The following DPYD variants were observed in gnomAD, a reference collection of about 807,000 sequenced individuals.
DPYD encodes dihydropyrimidine dehydrogenase.
Under a neutral mutation model 116.2 loss-of-function variants are expected in DPYD, and 109 were observed. The ratio of observed to expected loss-of-function variants is 0.94; its 90% confidence interval spans 0.80 to 1.10. The LOEUF (loss-of-function observed/expected upper bound fraction) is 1.10, where lower values mean the gene tolerates loss of function less well. Ranked by LOEUF, DPYD falls within the 50% of genes least tolerant of loss-of-function variation. The probability of loss-of-function intolerance (pLI) is 0.00; values close to 1 mark genes in which losing one functional copy is unlikely to be tolerated. For missense variants in DPYD, 1,302 were observed against 1,254.5 expected, an observed-to-expected ratio of 1.04 and a Z score of -0.57; for synonymous variants, 440 against 432.0, an observed-to-expected ratio of 1.02 and a Z score of -0.23.
chr1:97,171,905 A>G (rs1468702543), intron 20 of DPYD, among the ~76,000 whole-genome samples: 1 of 152,194 alleles, frequency 6.6e-6, no homozygotes, highest in African/African-American at 2.4e-5. Context: ...CATCACCTGC[A>G]ACTAGAATAG....
chr1:97,706,620 C>T (rs761796148), intron 5 of DPYD, among the ~76,000 whole-genome samples: 2 of 152,036 alleles, frequency 1.3e-5, no homozygotes, highest in African/African-American at 4.8e-5. Flanking sequence ...ATACAATATA[C>T]AGCCTTTTCA....
chr1:97,138,188 G>A (rs772468439), intron 20 of DPYD, among the ~76,000 whole-genome samples: 1 of 152,090 alleles, frequency 6.6e-6, no homozygotes, highest in Non-Finnish European at 1.5e-5. Context: ...CTGGCCTGGC[G>A]GAAACCTGTT....
chr1:97,122,188 A>G (rs1392250146), intron 20 of DPYD, among the ~76,000 whole-genome samples: 3 of 152,132 alleles, frequency 2.0e-5, no homozygotes, highest in African/African-American at 7.2e-5. Flanking sequence ...GTACGGATGA[A>G]AAGAGAGATA....
chr1:97,164,846 T>A (rs1181384081), intron 20 of DPYD, among the ~76,000 whole-genome samples: 1 of 150,842 alleles, frequency 6.6e-6, no homozygotes, highest in Non-Finnish European at 1.5e-5. Flanking sequence ...AATGACCAAG[T>A]GCCCAAAACA....
chr1:97,506,756 A>T (rs1331349491), intron 13 of DPYD, among the ~76,000 whole-genome samples: 1 of 152,056 alleles, frequency 6.6e-6, no homozygotes, highest in Non-Finnish European at 1.5e-5. Flanking sequence ...TGGAAAATTG[A>T]TTAGTCTGCT....
chr1:97,883,218 G>A, intron 2 of DPYD, 46 bp downstream of exon 2: 2 of 1,290,692 alleles, frequency 1.5e-6, no homozygotes, highest in Non-Finnish European at 1.1e-6. Flanking sequence ...ACAATGTGTG[G>A]AGTGAGGTAA....
intron 8 of DPYD, among the ~76,000 whole-genome samples, chr1:97,604,124 T>A (rs1459714956): frequency 6.6e-6 from 1 of 152,126 alleles, no homozygotes; most frequent in Non-Finnish European, 1.5e-5. Flanking sequence ...ATTTGTTTTC[T>A]ACATCTATGT....
At chr1:97,761,195 C>T (rs1409801129) in intron 3 of DPYD, among the ~76,000 whole-genome samples, 1 of 151,974 alleles carries the variant, frequency 6.6e-6, no homozygotes, top group Non-Finnish European at 1.5e-5. Flanking sequence ...CAAATAAACA[C>T]AACAATCACC....
chr1:97,115,323 C>T (rs1468230776), intron 20 of DPYD, among the ~76,000 whole-genome samples: 2 of 152,210 alleles, frequency 1.3e-5, no homozygotes, highest in East Asian at 1.9e-4. Flanking sequence ...AGCATTGGCC[C>T]CCATGAGTTC....
chr1:97,779,617 T>C (rs565064771), intron 3 of DPYD, among the ~76,000 whole-genome samples: 19 of 152,260 alleles, frequency 1.2e-4, no homozygotes, highest in African/African-American at 4.1e-4. Flanking sequence ...ATGTTTGTAA[T>C]GGGTTCTCTG....
chr1:97,187,296 A>C (rs922086066), intron 20 of DPYD, among the ~76,000 whole-genome samples: 4 of 151,902 alleles, frequency 2.6e-5, no homozygotes, highest in Admixed American at 6.6e-5. Flanking sequence ...ATAATATCTC[A>C]TTGTGGTTTT....
At chr1:97,248,942 A>C (rs1662900154) in intron 18 of DPYD, among the ~76,000 whole-genome samples, 1 of 152,172 alleles carries the variant, frequency 6.6e-6, no homozygotes. Context: ...TTTCTGAGAA[A>C]AATTCATGAT....
intron 18 of DPYD, among the ~76,000 whole-genome samples, chr1:97,245,214 T>A (rs546325197): frequency 7.2e-4 from 109 of 152,122 alleles, no homozygotes; most frequent in Non-Finnish European, 1.4e-3. Context: ...AATTAAATAG[T>A]ATGTGCATGT....
intron 3 of DPYD, among the ~76,000 whole-genome samples, chr1:97,748,199 C>T (rs1436880257): frequency 1.3e-5 from 2 of 151,992 alleles, no homozygotes; most frequent in Non-Finnish European, 1.5e-5. Flanking sequence ...CCAGAGACGC[C>T]TTCTTAGATA....
chr1:97,346,681 T>C (rs1474642895), intron 16 of DPYD, among the ~76,000 whole-genome samples: 2 of 151,848 alleles, frequency 1.3e-5, no homozygotes, highest in Non-Finnish European at 2.9e-5. Context: ...ATTGTCTTAC[T>C]AGTATTTAGT....
intron 20 of DPYD, among the ~76,000 whole-genome samples, chr1:97,107,182 C>T (rs370928926): frequency 6.6e-6 from 1 of 152,100 alleles, no homozygotes; most frequent in African/African-American, 2.4e-5. Flanking sequence ...CTTCTATTTC[C>T]ACCTCTTTGT....
chr1:97,345,379 G>T (rs188220339), intron 16 of DPYD, among the ~76,000 whole-genome samples: 114 of 151,262 alleles, frequency 7.5e-4, no homozygotes, highest in Middle Eastern at 3.4e-3. Context: ...CAACAAAATG[G>T]GCTCTACATT....
intron 3 of DPYD, among the ~76,000 whole-genome samples, chr1:97,811,283 A>G (rs1482278101): frequency 6.6e-6 from 1 of 152,032 alleles, no homozygotes; most frequent in African/African-American, 2.4e-5. Context: ...CCGTTATCCA[A>G]TTTTCATGAG....
At chr1:97,474,236 A>C (rs1677825216) in intron 13 of DPYD, among the ~76,000 whole-genome samples, 1 of 152,132 alleles carries the variant, frequency 6.6e-6, no homozygotes, top group Non-Finnish European at 1.5e-5. Flanking sequence ...ACGATGAACA[A>C]TGTTGTTTAC....
Sources: gnomAD v4.1 joint callset for allele counts (sites outside exome capture counted in the v4.1 genomes callset) on GRCh38, gnomAD v4.1.1 for gene constraint, MANE v1.5 for transcripts, NCBI Gene and HGNC (gene_info 2026-07-23, HGNC 2026-07-21) for gene names.